Variants in TAB2 observed in about 807,000 individuals in gnomAD.
TAB2 encodes TGF-beta activated kinase 1 (MAP3K7) binding protein 2.
Under a neutral mutation model 65.0 loss-of-function variants are expected in TAB2, and 3 were observed. The ratio of observed to expected loss-of-function variants is 0.05; its 90% CI spans 0.02 to 0.12. The LOEUF (loss-of-function observed/expected upper bound fraction) is 0.12. Among genes scored for constraint, TAB2 ranks in the 10% least tolerant of loss-of-function variants. TAB2 has a pLI of 1.00. For synonymous variants in TAB2, 298 were observed against 285.1 expected (o/e 1.05, Z -0.46); for missense variants, 623 against 840.3 (o/e 0.74, Z 3.20).
chr6:149,326,392 T>A (rs1432439376), intron 1 of TAB2, among the ~76,000 whole-genome samples: 1 of 152,178 alleles, frequency 6.6e-6, no homozygotes. Context: ...ATAAATATGC[T>A]TTAATCTTAC....
In TAB2 at chr6:149,242,713, C is replaced by T. The variant is rs149269118; in HGVS notation, c.-121+23937C>T. Reference sequence around the variant, plus strand: ...ATGAATCCCAAGATAGCCTCTGGTTCGGGATTGTTTTGCCATGGAGAAGAG... The same window carrying T: ...ATGAATCCCAAGATAGCCTCTGGTTTGGGATTGTTTTGCCATGGAGAAGAG... On this transcript the variant is annotated intron_variant, in intron 1 of 1. Transcript: ENST00000606202. Among the ~76,000 whole-genome samples, 775 of 152,266 alleles carry T rather than the reference C, an allele frequency of 5.1e-3. 4 individuals carry two copies. Among genetic ancestry groups the T allele is most frequent in the African/African-American group, 0.018 (740 of 41,558 alleles).
intron 6 of TAB2, among the ~76,000 whole-genome samples, chr6:149,402,633 C>G (rs565412955): frequency 5.0e-4 from 76 of 152,314 alleles, no homozygotes; most frequent in African/African-American, 1.4e-3. Context: ...CATTCTGAGG[C>G]CAGCCTCACC....
chr6:149,250,956 C>T (rs1464576430), intron 1 of TAB2, among the ~76,000 whole-genome samples: 2 of 152,212 alleles, frequency 1.3e-5, no homozygotes, highest in African/African-American at 2.4e-5. Flanking sequence ...CGAAACCTCG[C>T]TCACTCACGC....
chr6:149,274,835 G>A (rs1778425156), intron 1 of TAB2, among the ~76,000 whole-genome samples: 1 of 152,134 alleles, frequency 6.6e-6, no homozygotes, highest in Non-Finnish European at 1.5e-5. Flanking sequence ...AGGTCATAGA[G>A]CATTAGAACC....
At chr6:149,262,114 T>C (rs1020734856) in intron 1 of TAB2, among the ~76,000 whole-genome samples, 1 of 152,242 alleles carries the variant, frequency 6.6e-6, no homozygotes, top group African/African-American at 2.4e-5. Flanking sequence ...TTAGGGTGCC[T>C]GAACTTTTAG....
chr6:149,339,123 T>C (rs1780022193), intron 1 of TAB2, among the ~76,000 whole-genome samples: 1 of 152,200 alleles, frequency 6.6e-6, no homozygotes, highest in African/African-American at 2.4e-5. Context: ...CCCAGCCCTT[T>C]GGGAGGCCGA....
intron 1 of TAB2, among the ~76,000 whole-genome samples, chr6:149,259,490 G>A (rs138879519): frequency 6.6e-6 from 1 of 152,266 alleles, no homozygotes; most frequent in Admixed American, 6.5e-5. Flanking sequence ...TCTTCTGTCA[G>A]AATGTTCCAT....
At chr6:149,338,010 T>A (rs1314093848) in intron 1 of TAB2, among the ~76,000 whole-genome samples, 1 of 152,128 alleles carries the variant, frequency 6.6e-6, no homozygotes, top group African/African-American at 2.4e-5. Context: ...TTAGGATTCC[T>A]AGAATAATAT....
At chr6:149,346,373 T>C (rs989708225) in intron 1 of TAB2, 2 of 151,554 alleles carry the variant, frequency 1.3e-5, no homozygotes, top group African/African-American at 4.9e-5. Flanking sequence ...AGCAGAGTTA[T>C]ATGAGATGAA....
chr6:149,277,585 A>C (rs1778499582), intron 1 of TAB2, among the ~76,000 whole-genome samples: 2 of 152,184 alleles, frequency 1.3e-5, no homozygotes, highest in Admixed American at 1.3e-4. Context: ...TGGGCAAATG[A>C]AAGACAAGAG....
chr6:149,327,031 CTAA>C (rs1487880945), intron 1 of TAB2, among the ~76,000 whole-genome samples: 3 of 152,068 alleles, frequency 2.0e-5, no homozygotes, highest in Non-Finnish European at 4.4e-5. Context: ...TTCAGCAAAG[CTAA>C]TAATTGCATA....
chr6:149,359,976 A>G (rs536701918), intron 1 of TAB2, among the ~76,000 whole-genome samples: 1 of 152,330 alleles, frequency 6.6e-6, no homozygotes, highest in Non-Finnish European at 1.5e-5. Context: ...AGTAGTCTCC[A>G]TTAACTATTA....
intron 1 of TAB2, among the ~76,000 whole-genome samples, chr6:149,306,333 G>A (rs1015035171): frequency 1.3e-5 from 2 of 152,120 alleles, no homozygotes; most frequent in African/African-American, 4.8e-5. Flanking sequence ...AAGGTCAGGA[G>A]ATCGAGACCA....
In TAB2 at chr6:149,279,582, G is replaced by A. The variant is rs958240812; in HGVS notation, c.-121+60806G>A. Among the ~76,000 whole-genome samples the A allele has an allele frequency of 3.9e-5, 6 of 152,140 alleles. No individual in the cohort carries two copies. The East Asian group carries it at 7.7e-4, about 19-fold the overall frequency. On this transcript the variant is annotated intron_variant, in intron 1 of 1. Coordinates refer to the TAB2 transcript ENST00000606202. ...CCGGCATCTAGAGGGTGGAGACCAC[G>A]GAAGCTGCCAAACATACTACAACGC... is the stretch of plus-strand genomic sequence containing the variant.
chr6:149,248,470 A>AGG (rs1210002486), intron 1 of TAB2, among the ~76,000 whole-genome samples: 12 of 149,816 alleles, frequency 8.0e-5, no homozygotes, highest in Admixed American at 4.6e-4. Context: ...GAAGGAAGGA[A>AGG]AGAAAGAAAG....
At chr6:149,312,885 G>T (rs548307148), upstream of TAB2, among the ~76,000 whole-genome samples, 1 of 152,206 alleles carries the variant, frequency 6.6e-6, no homozygotes, top group East Asian at 1.9e-4. Flanking sequence ...TCTACTCTCT[G>T]ATTTTCAAGA....
chr6:149,311,132 A>T (rs1009371501), intron 1 of TAB2, among the ~76,000 whole-genome samples: 3 of 152,126 alleles, frequency 2.0e-5, no homozygotes, highest in Non-Finnish European at 2.9e-5. Context: ...CCACCTTCCA[A>T]ATTTAGTTCA....
chr6:149,298,648 A>T (rs1778920066), intron 1 of TAB2, among the ~76,000 whole-genome samples: 1 of 152,172 alleles, frequency 6.6e-6, no homozygotes, highest in African/African-American at 2.4e-5. Context: ...TACACCTGTA[A>T]CCTAAAACAG....
At chr6:149,256,163 A>G (rs553166230) in intron 1 of TAB2, among the ~76,000 whole-genome samples, 2 of 152,364 alleles carry the variant, frequency 1.3e-5, no homozygotes, top group Non-Finnish European at 2.9e-5. Context: ...AGTGAAAAGG[A>G]AGAGGAAACA....
Sources: allele counts gnomAD v4.1 joint callset (sites outside exome capture counted in the v4.1 genomes callset), GRCh38; gene constraint gnomAD v4.1.1; transcripts MANE v1.5; gene names NCBI Gene and HGNC (gene_info 2026-07-23, HGNC 2026-07-21).